Variants in ZMYM4 observed in about 807,000 individuals in gnomAD.
The protein encoded by ZMYM4 is zinc finger MYM-type protein 4.
A neutral mutation model predicts 183.2 loss-of-function variants in ZMYM4; 31 were observed. The observed-to-expected ratio is 0.17, with a 90% CI of 0.13 to 0.23. The LOEUF is 0.23. Among genes scored for constraint, ZMYM4 ranks in the 10% least tolerant of loss-of-function variants. ZMYM4 has a pLI of 1.00. For missense variants in ZMYM4, 1,273 were observed against 1,840.3 expected (o/e 0.69, Z 5.64); for synonymous variants, 592 against 631.2 (o/e 0.94, Z 0.93).
chr1:35,348,962 A>G (rs539602959), intron 2 of ZMYM4, among the ~76,000 whole-genome samples: 1 of 152,268 alleles, frequency 6.6e-6, no homozygotes, highest in South Asian at 2.1e-4. Context: ...GATTGCAATC[A>G]TGAAGATGGC....
chr1:35,354,178 A>T lies in ZMYM4; in HGVS notation c.86-4747A>T, dbSNP rs1254829918. ...AGAAAGAAAGAAAAAAAAGAAATTG[A>T]CATCTCTGAGAAAACTGTAAATCTC... On this transcript the variant is annotated intron_variant, in intron 2 of 29. Transcript: ENST00000314607. 3.3e-5 allele frequency among the ~76,000 whole-genome samples: 5 copies of T among 152,190 alleles called. No homozygotes were observed. The East Asian group carries it at 7.7e-4, about 24-fold the overall frequency.
At position 35,419,458 on chromosome 1, in the gene ZMYM4, C is replaced by T. The variant is rs1404144470; in HGVS notation, c.4440-12C>T. 3.1e-6 allele frequency: 5 copies of T among 1,597,794 alleles called. No homozygotes were observed. The highest frequency in any genetic ancestry group is 2.7e-5 in the African/African-American group (2 of 72,950). The stretch of plus-strand genomic sequence containing the variant: ...TTTCTTTTTTCTCTTTTTTTTTTTC[C>T]CCTGTGGATAGTTCTGAAAGTGTGA... On this transcript the variant is annotated splice_polypyrimidine_tract_variant and intron_variant, in intron 29 of 29. Transcript: ENST00000314607.
chr1:35,419,698 T>A lies in ZMYM4; in HGVS notation c.*21T>A, dbSNP rs1380536156. The A allele has an allele frequency of 6.2e-7, 1 of 1,612,772 alleles. No homozygotes were observed. Among genetic ancestry groups the A allele is most frequent in the Non-Finnish European group, 8.5e-7 (1 of 1,179,146 alleles). ...ATTAAAACGGAAGTGAGGTTCTTAT[T>A]TTCATACATATTGGTATGCACCAAA... On this transcript the variant is annotated 3_prime_UTR_variant, in exon 30 of 30. Coordinates refer to ENST00000314607, the MANE Select transcript of ZMYM4 (RefSeq NM_005095.3).
At chr1:35,362,062 A>T (rs759953606) in intron 5 of ZMYM4, among the ~76,000 whole-genome samples, 1 of 152,350 alleles carries the variant, frequency 6.6e-6, no homozygotes. Context: ...AGAACTATAC[A>T]GCAGATATGG....
At chr1:35,358,798 A>G in intron 2 of ZMYM4, 127 bp from the exon 3 acceptor site, 3 of 787,098 alleles carry the variant, frequency 3.8e-6, no homozygotes, top group Middle Eastern at 3.3e-4. Context: ...AAAGTGTTAA[A>G]TGAATACTAT....
intron 1 of ZMYM4, among the ~76,000 whole-genome samples, chr1:35,282,582 G>T (rs1371253041): frequency 5.9e-5 from 9 of 152,018 alleles, no homozygotes; most frequent in Non-Finnish European, 1.0e-4. Flanking sequence ...TTGAGACAGG[G>T]TCTCACTTTG....
At chr1:35,393,760 T>C (rs777393566) in intron 18 of ZMYM4, 21 bp downstream of exon 18, 5 of 1,561,098 alleles carry the variant, frequency 3.2e-6, no homozygotes, top group Non-Finnish European at 4.3e-6. Context: ...TGGTCTTTCT[T>C]TCTTTATTAA....
chr1:35,281,796 T>C (rs1224025120), intron 1 of ZMYM4, among the ~76,000 whole-genome samples: 2 of 152,168 alleles, frequency 1.3e-5, no homozygotes. Flanking sequence ...AAACTCTACA[T>C]GTTATGCAGT....
intron 18 of ZMYM4, among the ~76,000 whole-genome samples, chr1:35,396,178 A>C (rs976978067): frequency 6.6e-6 from 1 of 152,170 alleles, no homozygotes; most frequent in African/African-American, 2.4e-5. Context: ...AGTAGCTACA[A>C]ATGATTTTGA....
chr1:35,371,847 A>G (rs994845207), intron 7 of ZMYM4, among the ~76,000 whole-genome samples: 2 of 152,212 alleles, frequency 1.3e-5, no homozygotes, highest in African/African-American at 4.8e-5. Flanking sequence ...AATGACCGAC[A>G]GGGTAAATTT....
At chr1:35,331,793 A>AATACATAC (rs530320433) in intron 2 of ZMYM4, among the ~76,000 whole-genome samples, 2 of 105,518 alleles carry the variant, frequency 1.9e-5, no homozygotes, top group African/African-American at 6.2e-5. Flanking sequence ...CCATCTCAAA[A>AATACATAC]ATACATAAAT....
intron 1 of ZMYM4, among the ~76,000 whole-genome samples, chr1:35,301,884 A>G (rs747104413): frequency 2.6e-5 from 4 of 152,198 alleles, no homozygotes; most frequent in Non-Finnish European, 5.9e-5. Context: ...GGAAACTCTC[A>G]GATGGTAAGC....
At chr1:35,366,431 A>G (rs1644081371) in intron 5 of ZMYM4, among the ~76,000 whole-genome samples, 1 of 152,224 alleles carries the variant, frequency 6.6e-6, no homozygotes, top group Non-Finnish European at 1.5e-5. Flanking sequence ...ACTTCAATCC[A>G]TGTTAAAGAA....
At chr1:35,277,620 T>C (rs1007419730) in intron 1 of ZMYM4, among the ~76,000 whole-genome samples, 2 of 152,210 alleles carry the variant, frequency 1.3e-5, no homozygotes, top group African/African-American at 4.8e-5. Context: ...CCTATATCCA[T>C]TATTTCATTA....
chr1:35,403,134 G>A (rs1435032903), intron 23 of ZMYM4, among the ~76,000 whole-genome samples: 1 of 151,958 alleles, frequency 6.6e-6, no homozygotes, highest in African/African-American at 2.4e-5. Context: ...TGATTATCTG[G>A]TTTTCCTTTT....
intron 2 of ZMYM4, among the ~76,000 whole-genome samples, chr1:35,328,404 C>A (rs1350215717): frequency 6.6e-6 from 1 of 151,858 alleles, no homozygotes; most frequent in African/African-American, 2.4e-5. Flanking sequence ...ATCTCAGCAT[C>A]CAAGTAGCTG....
chr1:35,361,903 T>G, intron 5 of ZMYM4, 114 bp downstream of exon 5: 1 of 1,382,470 alleles, frequency 7.2e-7, no homozygotes, highest in Non-Finnish European at 9.7e-7. Flanking sequence ...GAAAGGAAAC[T>G]CTTAAAGAAG....
chr1:35,408,902 G>A (rs1371920110), intron 26 of ZMYM4, among the ~76,000 whole-genome samples: 1 of 152,070 alleles, frequency 6.6e-6, no homozygotes, highest in African/African-American at 2.4e-5. Flanking sequence ...TGACTCCAAA[G>A]GGAAACCTCA....
chr1:35,322,616 T>C (rs980405286), intron 1 of ZMYM4, among the ~76,000 whole-genome samples: 3 of 152,208 alleles, frequency 2.0e-5, no homozygotes, highest in African/African-American at 7.2e-5. Flanking sequence ...GTAGAAATAG[T>C]GCAGGCAGAA....
Sources: allele counts gnomAD v4.1 joint callset (sites outside exome capture counted in the v4.1 genomes callset), GRCh38; gene constraint gnomAD v4.1.1; transcripts MANE v1.5; gene names NCBI Gene and HGNC (gene_info 2026-07-23, HGNC 2026-07-21).